Variants in GSE1 observed in about 807,000 individuals in gnomAD.
GSE1 encodes the protein Gse1 coiled-coil protein.
In GSE1, 32 loss-of-function variants were observed where a neutral mutation model predicts 112.6. That is an observed-to-expected ratio of 0.28 (90% CI 0.21 to 0.38). The LOEUF (loss-of-function observed/expected upper bound fraction) is 0.38. Among genes scored for constraint, GSE1 ranks in the 10% least tolerant of loss-of-function variants. GSE1 has a pLI of 1.00. For synonymous variants in GSE1, 1,115 were observed against 735.6 expected (o/e 1.52, Z -8.35); for missense variants, 2,348 against 1,699.2 (o/e 1.38, Z -6.71).
chr16:85,654,275 C>T lies in GSE1; in HGVS notation c.427-3C>T, dbSNP rs765007411. 3.3e-5 allele frequency: 53 copies of T among 1,590,124 alleles called. No homozygotes were observed. The highest frequency in any genetic ancestry group is 4.4e-5 in the Non-Finnish European group (51 of 1,169,488). On this transcript the variant is annotated splice_region_variant and splice_polypyrimidine_tract_variant and intron_variant, in intron 3 of 15. Coordinates refer to ENST00000253458, the MANE Select transcript of GSE1 (RefSeq NM_014615.5). ...GCCCTGACTGGACGCTCTCCTCCCG[C>T]AGGATGCCGGCTCCAGGAGCAGCAG...
intron 1 of GSE1, among the ~76,000 whole-genome samples, chr16:85,313,626 G>C (rs189908078): frequency 4.6e-5 from 7 of 152,316 alleles, no homozygotes; most frequent in Non-Finnish European, 7.4e-5. Context: ...CCCTAGGCTG[G>C]GGGGTGGGGA....
chr16:85,517,452 G>A (rs887116393), intron 2 of GSE1, among the ~76,000 whole-genome samples: 4 of 152,310 alleles, frequency 2.6e-5, no homozygotes, highest in African/African-American at 9.6e-5. Flanking sequence ...ATTAGTGCCC[G>A]TATGTGTGAT....
chr16:85,384,251 AAC>A (rs1166064463), intron 2 of GSE1, among the ~76,000 whole-genome samples: 1 of 152,046 alleles, frequency 6.6e-6, no homozygotes, highest in Non-Finnish European at 1.5e-5. Context: ...AGGAGCAAGA[AAC>A]ACACGTGCCT....
intron 1 of GSE1, among the ~76,000 whole-genome samples, chr16:85,218,162 A>G (rs1310047481): frequency 6.6e-6 from 1 of 152,122 alleles, no homozygotes; most frequent in Non-Finnish European, 1.5e-5. Flanking sequence ...TCAGCCTCCC[A>G]AAGTGCTGGG....
At chr16:85,394,085 C>T (rs1377975992) in intron 2 of GSE1, among the ~76,000 whole-genome samples, 6 of 152,054 alleles carry the variant, frequency 3.9e-5, no homozygotes, top group African/African-American at 1.4e-4. Context: ...CTGCTGGCTC[C>T]GGGTTGTTGA....
intron 2 of GSE1, among the ~76,000 whole-genome samples, chr16:85,368,017 T>TTG: frequency 6.6e-6 from 1 of 151,840 alleles, no homozygotes; most frequent in African/African-American, 2.4e-5. Context: ...GCCCGGCTAA[T>TTG]TGTGTTTTGT....
intron 1 of GSE1, among the ~76,000 whole-genome samples, chr16:85,233,380 T>A (rs1428949695): frequency 6.6e-6 from 1 of 152,230 alleles, no homozygotes; most frequent in Non-Finnish European, 1.5e-5. Context: ...GGAGCCAGGC[T>A]GGAGCCCTCA....
chr16:85,506,939 G>T (rs970080808), intron 2 of GSE1, among the ~76,000 whole-genome samples: 2 of 152,108 alleles, frequency 1.3e-5, no homozygotes, highest in African/African-American at 4.8e-5. Flanking sequence ...TCCTTCCAAG[G>T]CATGGTCCAT....
intron 3 of GSE1, among the ~76,000 whole-genome samples, chr16:85,652,045 G>A (rs2051402073): frequency 6.6e-6 from 1 of 152,224 alleles, no homozygotes; most frequent in South Asian, 2.1e-4. Context: ...ATAGCCTCAC[G>A]GGGCTGGGGT....
intron 1 of GSE1, among the ~76,000 whole-genome samples, chr16:85,210,351 C>T (rs2075203571): frequency 6.6e-6 from 1 of 152,192 alleles, no homozygotes; most frequent in Admixed American, 6.5e-5. Flanking sequence ...CTGCTGTGTT[C>T]CCAGCACTTC....
At chr16:85,235,428 CTGTGTGTG>C (rs60860144) in intron 1 of GSE1, among the ~76,000 whole-genome samples, 2,862 of 126,366 alleles carry the variant, frequency 0.023, 53 homozygotes, top group Non-Finnish European at 0.024. Context: ...TGGAAGGGTA[CTGTGTGTG>C]TGTGTGTGTG....
At chr16:85,208,559 T>C (rs1004592193) in intron 1 of GSE1, among the ~76,000 whole-genome samples, 3 of 152,194 alleles carry the variant, frequency 2.0e-5, no homozygotes, top group Non-Finnish European at 4.4e-5. Flanking sequence ...AAGGAAACTT[T>C]GGTACCTCTA....
intron 2 of GSE1, chr16:85,490,663 T>C (rs1336796375): frequency 6.6e-6 from 1 of 152,226 alleles, no homozygotes; most frequent in South Asian, 2.1e-4. Flanking sequence ...GCCCCGACTT[T>C]GATCCCAGGG....
intron 1 of GSE1, among the ~76,000 whole-genome samples, chr16:85,327,333 T>C (rs1388260632): frequency 6.6e-6 from 1 of 152,212 alleles, no homozygotes; most frequent in Non-Finnish European, 1.5e-5. Flanking sequence ...CCGGATGCGG[T>C]GGCTCACACC....
chr16:85,223,498 G>A (rs2075429487), intron 1 of GSE1, among the ~76,000 whole-genome samples: 1 of 151,232 alleles, frequency 6.6e-6, no homozygotes, highest in Non-Finnish European at 1.5e-5. Flanking sequence ...ACTCCAGCCT[G>A]GGCAACAGAG....
chr16:85,462,424 C>G (rs1278793312), intron 2 of GSE1, among the ~76,000 whole-genome samples: 2 of 151,996 alleles, frequency 1.3e-5, no homozygotes, highest in Non-Finnish European at 2.9e-5. Context: ...CCTTCTCCCC[C>G]TCCTCCCTGA....
At position 85,655,787 on chromosome 16, in the gene GSE1, G is replaced by T; in HGVS notation, c.859G>T (p.Gly287Cys). 1.2e-6 allele frequency: 1 copy of T among 867,522 alleles called. No homozygotes were observed. Among genetic ancestry groups the T allele is most frequent in the Non-Finnish European group, 1.8e-6 (1 of 565,366 alleles). 53.7% of individuals were successfully genotyped at this position (867,522 alleles called of 1,614,324 possible). ...RSPFYPIPTPGSLPPLHPSAM... is the reference protein window; with the variant it reads ...RSPFYPIPTPCSLPPLHPSAM... ...CCCGTTCTACCCCATCCCCACCCCC[G>T]GCTCCCTGCCCCCACTGCACCCATC... is the stretch of plus-strand genomic sequence containing the variant. The change falls in exon 6 of 16, where the codon GGC (glycine) becomes TGC (cysteine). Residue 287 changes from glycine to cysteine, a missense_variant. Coordinates refer to ENST00000253458, the MANE Select transcript of GSE1 (RefSeq NM_014615.5).
chr16:85,590,740 C>T (rs2046968808), intron 1 of GSE1, among the ~76,000 whole-genome samples: 1 of 152,076 alleles, frequency 6.6e-6, no homozygotes, highest in Non-Finnish European at 1.5e-5. Flanking sequence ...TGTGGCGGGC[C>T]CTTTGTGGGA....
exon 1 of GSE1, chr16:85,171,179 A>G (rs1437360392): frequency 1.0e-6 from 1 of 985,616 alleles, no homozygotes. Flanking sequence ...CGGGCCTGCC[A>G]GAACGAGGAG....
Sources: allele counts gnomAD v4.1 joint callset (sites outside exome capture counted in the v4.1 genomes callset), GRCh38; gene constraint gnomAD v4.1.1; transcripts MANE v1.5; gene names NCBI Gene and HGNC (gene_info 2026-07-23, HGNC 2026-07-21).